ANPEP: variants seen among roughly 807,000 people sequenced by gnomAD.
ANPEP encodes the protein aminopeptidase N.
Under a neutral mutation model 114.6 loss-of-function variants are expected in ANPEP, and 70 were observed. That is an observed-to-expected ratio of 0.61 (90% CI 0.50 to 0.75). The LOEUF is 0.75. Ranked by LOEUF, ANPEP falls within the 30% of genes least tolerant of loss-of-function variation. The probability of loss-of-function intolerance (pLI) is 0.00; values close to 1 mark genes in which losing one functional copy is unlikely to be tolerated. For synonymous variants in ANPEP, 548 were observed against 522.3 expected, an observed-to-expected ratio of 1.05 and a Z score of -0.67; for missense variants, 1,184 against 1,259.5, an observed-to-expected ratio of 0.94 and a Z score of 0.91.
At chr15:89,811,649 T>TAAAAAAA (rs754725578) in intron 1 of ANPEP, among the ~76,000 whole-genome samples, 2 of 100,548 alleles carry the variant, frequency 2.0e-5, no homozygotes, top group Non-Finnish European at 4.2e-5. Flanking sequence ...CCATCTCAAG[T>TAAAAAAA]AAAAAAAAAA....
intron 20 of ANPEP, among the ~76,000 whole-genome samples, chr15:89,788,726 G>C (rs1006440971): frequency 6.6e-6 from 1 of 152,032 alleles, no homozygotes; most frequent in Non-Finnish European, 1.5e-5. Context: ...TCAGTCTCCT[G>C]AGTAGCTAGG....
chr15:89,804,694 G>C, intron 4 of ANPEP, 77 bp from the exon 5 acceptor site: 1 of 1,556,978 alleles, frequency 6.4e-7, no homozygotes, highest in Non-Finnish European at 8.7e-7. Flanking sequence ...CCAGGGCCCA[G>C]TGGGCTGGGG....
At chr15:89,804,228 C>T (rs950803670) in intron 6 of ANPEP, 25 bp downstream of exon 6, 9 of 1,613,250 alleles carry the variant, frequency 5.6e-6, no homozygotes, top group African/African-American at 4.0e-5. Context: ...TTTCCTTCTC[C>T]GCACTCCCCG....
At position 89,805,385 on chromosome 15, in the gene ANPEP, G is replaced by C; in HGVS notation, c.693C>G (p.Ala231=). The C allele has an allele frequency of 1.2e-6, 2 of 1,614,166 alleles. No homozygotes were observed. Among genetic ancestry groups the C allele is most frequent in the East Asian group, 2.2e-5 (1 of 44,878 alleles). Reference sequence around the variant, plus strand: ...GGTGGATAAGCGTGATGTTGAACTCGGCCTTCATGGCCGGCTCATCGAAGC... The same window carrying C: ...GGTGGATAAGCGTGATGTTGAACTCCGCCTTCATGGCCGGCTCATCGAAGC... ...FPCFDEPAMK[A]EFNITLIHPK... The change falls in exon 3 of 21, where the codon GCC becomes GCG. Residue 231 remains alanine, a synonymous_variant. Transcript: ENST00000300060.
intron 18 of ANPEP, 148 bp from the exon 19 acceptor site, chr15:89,791,241 C>A: frequency 1.1e-6 from 1 of 882,200 alleles, no homozygotes; most frequent in East Asian, 2.6e-5. Flanking sequence ...GTCCTTCTTC[C>A]CTCTATAGAT....
intron 15 of ANPEP, among the ~76,000 whole-genome samples, chr15:89,794,286 C>G (rs1285385310): frequency 6.6e-6 from 1 of 152,028 alleles, no homozygotes; most frequent in Admixed American, 6.6e-5. Flanking sequence ...GAGTTTGAGA[C>G]CAGCCTGGCC....
Position 89,785,402 on chromosome 15 carries a change from C to T in ANPEP, c.2851G>A (p.Val951Met). The change falls in exon 21 of 21, where the codon GTG becomes ATG. Residue 951 changes from valine to methionine, a missense_variant. Val to Met is a conservative substitution (Grantham distance 21, BLOSUM62 1). Coordinates refer to ENST00000300060, the MANE Select transcript of ANPEP (RefSeq NM_001150.3). ...AGCACCACCTCCTTGTTCTCCTTCA[C>T]CCACTTGATGTTGGCTTTCGTCTTC... Reference protein sequence around the residue: ...LEKTKANIKWVKENKEVVLQW... With the variant: ...LEKTKANIKWMKENKEVVLQW... 6.2e-7 allele frequency: 1 copy of T among 1,614,234 alleles called. No homozygotes were observed. The highest frequency in any genetic ancestry group is 8.5e-7 in the Non-Finnish European group (1 of 1,180,040).
In ANPEP at chr15:89,799,521, C is replaced by G. The variant is rs143245843; in HGVS notation, c.1858G>C (p.Val620Leu). ...DLFSTSGNEW[V>L]LLNLNVTGYY... is the part of the protein sequence containing the mutation. ...CCCGTCACATTGAGGTTCAGCAGGA[C>G]CCACTCATTGCCTGATGTGCTGAAG... The change falls in exon 13 of 21, where the codon GTC becomes CTC. Residue 620 changes from valine to leucine, a missense_variant. By Grantham distance (32) the Val-to-Leu change is conservative. Transcript: ENST00000300060. The surrounding 1 kb of genome is among the most constrained non-coding windows in gnomAD (Gnocchi z 4.2). The G allele has an allele frequency of 2.7e-3, 4,285 of 1,614,212 alleles. 6 individuals carry two copies. Among genetic ancestry groups the G allele is most frequent in the Non-Finnish European group, 3.4e-3 (4,004 of 1,180,042 alleles).
At chr15:89,785,562 T>C in intron 20 of ANPEP, 61 bp from the exon 21 acceptor site, 1 of 1,602,258 alleles carries the variant, frequency 6.2e-7, no homozygotes, top group Non-Finnish European at 8.5e-7. Context: ...GAGGAGGAGC[T>C]CTCTCAGGCC....
At chr15:89,797,454 T>G in intron 15 of ANPEP, 121 bp downstream of exon 15, 1 of 1,383,300 alleles carries the variant, frequency 7.2e-7, no homozygotes, top group Non-Finnish European at 9.7e-7. Context: ...TGGTTTTTTG[T>G]TTTGCTTTTG....
intron 12 of ANPEP, 21 bp downstream of exon 12, chr15:89,801,090 C>T (rs749142007): frequency 1.2e-6 from 2 of 1,611,654 alleles, no homozygotes. Flanking sequence ...GGCTGCTGCC[C>T]ATAAGGCAGG....
chr15:89,792,320 G>A lies in ANPEP; in HGVS notation c.2368C>T (p.Pro790Ser), dbSNP rs1476692994. The change falls in exon 18 of 21, where the codon CCC (proline) becomes TCC (serine). Residue 790 changes from proline to serine, a missense_variant. Physicochemically the swap from Pro to Ser is moderately conservative, Grantham distance 74. Coordinates refer to ENST00000300060, the MANE Select transcript of ANPEP (RefSeq NM_001150.3). ...MENPNNNPIH[P>S]NLRSTVYCNA... Reference sequence around the variant, plus strand: ...CAGTAGACGGTGGACCGCAGGTTGGGGTGGATCCTGGTGTGGGGTAGGGAG... The same window carrying A: ...CAGTAGACGGTGGACCGCAGGTTGGAGTGGATCCTGGTGTGGGGTAGGGAG... The A allele has an allele frequency of 6.2e-7, 1 of 1,614,044 alleles. No homozygotes were observed. The highest frequency in any genetic ancestry group is 8.5e-7 in the Non-Finnish European group (1 of 1,180,000).
chr15:89,790,902 G>C (rs7166568), intron 19 of ANPEP, 51 bp downstream of exon 19: 1 of 1,598,818 alleles, frequency 6.3e-7, no homozygotes. Flanking sequence ...CCACCCCCCG[G>C]GGCCCCAGCC....
At chr15:89,807,753 C>T (rs1894744608) in intron 1 of ANPEP, among the ~76,000 whole-genome samples, 1 of 152,190 alleles carries the variant, frequency 6.6e-6, no homozygotes, top group Non-Finnish European at 1.5e-5. Flanking sequence ...ACAATTGCCT[C>T]TTTCTATCCT....
chr15:89,805,656 C>A (rs548301381), intron 2 of ANPEP, among the ~76,000 whole-genome samples, 193 bp from the exon 3 acceptor site: 7 of 152,352 alleles, frequency 4.6e-5, no homozygotes, highest in South Asian at 4.1e-4. Context: ...GGGGTTGGGG[C>A]TCCTTCTGGA....
chr15:89,796,891 C>T (rs948192885), intron 15 of ANPEP, among the ~76,000 whole-genome samples: 1 of 152,184 alleles, frequency 6.6e-6, no homozygotes, highest in Non-Finnish European at 1.5e-5. Flanking sequence ...ACAGTTTAAC[C>T]AATCTTCAAC....
Position 89,797,439 on chromosome 15 carries a change from T to A in ANPEP, c.2157+136A>T, listed in dbSNP as rs570400136. ...GAACCTGACAAGGCAATCTTTCTTTTTTTTTGGTTTTTTGTTTTGCTTTTG... is the reference window on the plus strand; with the variant it reads ...GAACCTGACAAGGCAATCTTTCTTTATTTTTGGTTTTTTGTTTTGCTTTTG... On this transcript the variant is annotated intron_variant, in intron 15 of 20. Coordinates refer to ENST00000300060, the MANE Select transcript of ANPEP (RefSeq NM_001150.3). 6 of 1,281,320 alleles carry A rather than the reference T, an allele frequency of 4.7e-6. No homozygotes were observed. In the Admixed American group the frequency reaches 1.3e-4, roughly 27 times the overall value. 79.4% of individuals were successfully genotyped at this position (1,281,320 alleles called of 1,614,324 possible).
intron 20 of ANPEP, among the ~76,000 whole-genome samples, chr15:89,790,040 C>T (rs1220493167): frequency 7.3e-6 from 1 of 137,144 alleles, no homozygotes; most frequent in African/African-American, 2.8e-5. Context: ...GCCTGGGTGA[C>T]AGAGCAAGAC....
At chr15:89,807,952 C>G (rs1894751578) in intron 1 of ANPEP, among the ~76,000 whole-genome samples, 1 of 152,168 alleles carries the variant, frequency 6.6e-6, no homozygotes, top group Non-Finnish European at 1.5e-5. Context: ...CCATTCTCAT[C>G]ATTTATGTGG....
Sources: allele counts gnomAD v4.1 joint callset (sites outside exome capture counted in the v4.1 genomes callset), GRCh38; gene constraint gnomAD v4.1.1; non-coding constraint Gnocchi (gnomAD v3.1); transcripts MANE v1.5; gene names NCBI Gene and HGNC (gene_info 2026-07-23, HGNC 2026-07-21).